Variants in TTN observed in about 807,000 individuals in gnomAD.
TTN encodes the protein titin.
In TTN, 1,525 loss-of-function variants were observed where a neutral mutation model predicts 3,223.0. The ratio of observed to expected loss-of-function variants is 0.47; its 90% CI spans 0.45 to 0.49. TTN has a LOEUF of 0.49. Among genes scored for constraint, TTN ranks in the 20% least tolerant of loss-of-function variants. The pLI is 0.00. For synonymous variants in TTN, 14,094 were observed against 15,161.0 expected, an observed-to-expected ratio of 0.93 and a Z score of 5.17; for missense variants, 40,786 against 43,424.0, an observed-to-expected ratio of 0.94 and a Z score of 5.40.
chr2:178,637,474 T>G, intron 223 of TTN, 55 bp from the exon 224 acceptor site: 1 of 1,178,212 alleles, frequency 8.5e-7, no homozygotes, highest in Non-Finnish European at 1.1e-6. Context: ...ATTTCATGTT[T>G]AATAGTAAAC....
At chr2:178,711,883 A>T (rs1577840276) in intron 96 of TTN, 61 bp downstream of exon 96, 1 of 1,511,876 alleles carries the variant, frequency 6.6e-7, no homozygotes, top group East Asian at 2.3e-5. Flanking sequence ...GCCTCCCCAG[A>T]CATTTTAAAT....
In TTN at chr2:178,733,469, C is replaced by T; in HGVS notation, c.15824G>A (p.Gly5275Glu). The change falls in exon 54 of 363, where the codon GGA becomes GAA. Residue 5275 changes from glycine (G) to glutamate (E), a missense_variant. By Grantham distance (98) the Gly-to-Glu change is moderately conservative. Transcript: ENST00000589042. ...TGTGTACTCCAGTGTGGCGGGATCTCCTGCTGTCACCTGGATCAGTTCTGC... is the reference window on the plus strand; with the variant it reads ...TGTGTACTCCAGTGTGGCGGGATCTTCTGCTGTCACCTGGATCAGTTCTGC... The part of the protein sequence containing the change: ...ERAELIQVTA[G>E]DPATLEYTVA... 1 of 1,613,688 alleles carries T rather than the reference C, an allele frequency of 6.2e-7. No individual in the cohort carries two copies. Among genetic ancestry groups the T allele is most frequent in the Non-Finnish European group, 8.5e-7 (1 of 1,179,710 alleles).
At chr2:178,736,115 C>A (rs1458827080) in intron 49 of TTN, 41 bp from the exon 50 acceptor site, 5 of 1,492,008 alleles carry the variant, frequency 3.4e-6, no homozygotes. Context: ...TAGTCCCCAC[C>A]AAAGCACTTG....
chr2:178,712,707 G>C lies in TTN; in HGVS notation c.27318C>G (p.Leu9106=), dbSNP rs749417537. ...AGCAGTCTGACAAACCTTTTATGTAGAGATGTGTTGTACAAGAAGCCTTGC... is the reference window on the plus strand; with the variant it reads ...AGCAGTCTGACAAACCTTTTATGTACAGATGTGTTGTACAAGAAGCCTTGC... ...EAGKASCTTH[L]YIKAPAKFVK... The change falls in exon 94 of 363, where the codon CTC becomes CTG. Residue 9106 remains leucine, a synonymous_variant. Transcript: ENST00000589042. 2 of 1,613,136 alleles carry C rather than the reference G, an allele frequency of 1.2e-6. No homozygotes were observed. Among genetic ancestry groups the C allele is most frequent in the Non-Finnish European group, 1.7e-6 (2 of 1,179,254 alleles).
chr2:178,543,676 T>TGAAA lies in TTN; in HGVS notation c.96311-18_96311-15dup, dbSNP rs1695659815. 1.3e-6 allele frequency: 2 copies of TGAAA among 1,560,106 alleles called. No homozygotes were observed. The highest frequency in any genetic ancestry group is 1.7e-6 in the Non-Finnish European group (2 of 1,159,126). On this transcript the variant is annotated splice_polypyrimidine_tract_variant and intron_variant, in intron 346 of 362. Transcript: ENST00000589042. ...GACCAGGAGTATCTGAAAAACAGAATGAAAGATTCATATTTCCTATTTGCC... is the reference window on the plus strand; with the variant it reads ...GACCAGGAGTATCTGAAAAACAGAATGAAAGAAAGATTCATATTTCCTATTTGCC...
intron 3 of TTN, 121 bp from the exon 4 acceptor site, chr2:178,800,803 G>A: frequency 8.7e-7 from 1 of 1,146,106 alleles, no homozygotes; most frequent in Non-Finnish European, 1.2e-6. Flanking sequence ...AAACATCCTT[G>A]AATGTCCTTG....
rs879193950 is a variant in TTN at position 178,784,144 on chromosome 2, C to T, written c.2701G>A (p.Glu901Lys). 6.2e-7 allele frequency: 1 copy of T among 1,614,028 alleles called. No homozygotes were observed. Among genetic ancestry groups the T allele is most frequent in the African/African-American group, 1.3e-5 (1 of 74,908 alleles). The change falls in exon 16 of 363, where the codon GAA becomes AAA. Residue 901 changes from glutamate to lysine, a missense_variant. Transcript: ENST00000589042. The part of the protein sequence containing the change: ...KSEAGVEVKK[E>K]VGVSITGTTV... Reference sequence around the variant, plus strand: ...GTGCCAGTGATGCTCACCCCTACTTCCTTTTTCACCTCAACGCCAGCTTCA... The same window carrying T: ...GTGCCAGTGATGCTCACCCCTACTTTCTTTTTCACCTCAACGCCAGCTTCA...
Position 178,553,680 on chromosome 2 carries a change from T to G in TTN, c.89325A>C (p.Gln29775His). 1 of 1,613,878 alleles carries G rather than the reference T, an allele frequency of 6.2e-7. No homozygotes were observed. Among genetic ancestry groups the G allele is most frequent in the Non-Finnish European group, 8.5e-7 (1 of 1,179,818 alleles). The change falls in exon 334 of 363, where the codon CAA (glutamine) becomes CAC (histidine). Residue 29775 changes from glutamine to histidine, a missense_variant. Coordinates refer to ENST00000589042, the MANE Select transcript of TTN (RefSeq NM_001267550.2). ...AVTGYVVEIR[Q>H]GEEEEWTTVS... ...CAGTAGTCCATTCCTCTTCCTCTCC[T>G]TGTCTTATCTCGACAACATACCCAG...
At chr2:178,637,228 A>G (rs2060614027) in intron 224 of TTN, 141 bp downstream of exon 224, 1 of 288,388 alleles carries the variant, frequency 3.5e-6, no homozygotes, top group Admixed American at 5.9e-5. Context: ...TTGAAATATC[A>G]GAAAACATGC....
At position 178,566,806 on chromosome 2, in the gene TTN, T is replaced by C. The variant is rs768851060; in HGVS notation, c.79326A>G (p.Thr26442=). 6.2e-7 allele frequency: 1 copy of C among 1,613,388 alleles called. No homozygotes were observed. The highest frequency in any genetic ancestry group is 8.5e-7 in the Non-Finnish European group (1 of 1,179,692). The part of the protein sequence containing the change: ...RWIKCNKRRI[T]DLRLRVTGLT... Reference sequence around the variant, plus strand: ...ATCCTGTCACTCTTAGACGCAAATCTGTAATGCGGCGTTTATTACATTTTA... The same window carrying C: ...ATCCTGTCACTCTTAGACGCAAATCCGTAATGCGGCGTTTATTACATTTTA... Residue 26442 remains threonine (T), a synonymous_variant, in exon 326 of 363, where the codon ACA becomes ACG. Coordinates refer to ENST00000589042, the MANE Select transcript of TTN (RefSeq NM_001267550.2).
At position 178,802,161 on chromosome 2, in the gene TTN, C is replaced by A. The variant is rs1367815458; in HGVS notation, c.272G>T (p.Ser91Ile). ...ACCTTTCACGAGAAGCTCAGCAGTA[C>A]TAGTCGCTTGTCCAGATCCATTGGT... ...KATNGSGQATSTAELLVKAET... is the reference protein window; with the variant it reads ...KATNGSGQATITAELLVKAET... Residue 91 changes from serine to isoleucine, a missense_variant, in exon 3 of 363, where the codon AGT becomes ATT. By Grantham distance (142) the Ser-to-Ile change is moderately radical (BLOSUM62 -2). Transcript: ENST00000589042. The A allele has an allele frequency of 6.2e-7, 1 of 1,613,978 alleles. No homozygotes were observed. Among genetic ancestry groups the A allele is most frequent in the East Asian group, 2.2e-5 (1 of 44,898 alleles).
Position 178,629,366 on chromosome 2 carries a change from G to T in TTN, c.44359C>A (p.Leu14787Ile). 2 of 1,612,970 alleles carry T rather than the reference G, an allele frequency of 1.2e-6. No homozygotes were observed. Among genetic ancestry groups the T allele is most frequent in the Non-Finnish European group, 8.5e-7 (1 of 1,179,348 alleles). ...AGETATFDCELSYEDIPVEWY... is the reference protein window; with the variant it reads ...AGETATFDCEISYEDIPVEWY... ...TCCACTGGGATATCTTCGTAGGAGA[G>T]CTCGCAGTCGAAGGTGGCTGTTTCC... The change falls in exon 240 of 363, where the codon CTC becomes ATC. Residue 14787 changes from leucine to isoleucine, a missense_variant. Coordinates refer to ENST00000589042, the MANE Select transcript of TTN (RefSeq NM_001267550.2).
At position 178,608,657 on chromosome 2, in the gene TTN, C is replaced by T. The variant is rs777777062; in HGVS notation, c.52354G>A (p.Gly17452Arg). 1.2e-6 allele frequency: 2 copies of T among 1,611,982 alleles called. No homozygotes were observed. Among genetic ancestry groups the T allele is most frequent in the Non-Finnish European group, 1.7e-6 (2 of 1,178,964 alleles). Residue 17452 changes from glycine (G) to arginine (R), a missense_variant, in exon 274 of 363, where the codon GGG becomes AGG. Physicochemically the swap from Gly to Arg is moderately radical, Grantham distance 125. Coordinates refer to ENST00000589042, the MANE Select transcript of TTN (RefSeq NM_001267550.2). ...LFRVRAENRF[G>R]PGPPCVSKPL... ...TTTGAAACACATGGTGGACCTGGCC[C>T]AAATCTGTTTTCAGCTCTTACACGG...
At chr2:178,618,521 A>G (rs77842007) in intron 251 of TTN, 30 bp from the exon 252 acceptor site, 5 of 1,609,234 alleles carry the variant, frequency 3.1e-6, no homozygotes, top group Non-Finnish European at 4.2e-6. Context: ...GAATTTTTTT[A>G]GTGTGCTGTC....
chr2:178,531,374 C>G lies in TTN; in HGVS notation c.105241G>C (p.Glu35081Gln), dbSNP rs779952686. 1 of 1,613,908 alleles carries G rather than the reference C, an allele frequency of 6.2e-7. No individual in the cohort carries two copies. The highest frequency in any genetic ancestry group is 1.3e-5 in the African/African-American group (1 of 74,940). ...GTCTCCGTCATCTGTGATTTCACTT[C>G]CCTGACAGAAGACGAAGCTTCCATC... Reference protein sequence around the residue: ...SEMEASSSVREVKSQMTETRE... With the variant: ...SEMEASSSVRQVKSQMTETRE... Residue 35081 changes from glutamate (E) to glutamine (Q), a missense_variant, in exon 358 of 363, where the codon GAA (glutamate) becomes CAA (glutamine). Glu to Gln is a conservative substitution (Grantham distance 29). Coordinates refer to ENST00000589042, the MANE Select transcript of TTN (RefSeq NM_001267550.2).
Position 178,757,603 on chromosome 2 carries a change from G to C in TTN, c.10617C>G (p.Cys3539Trp). 6.2e-7 allele frequency: 1 copy of C among 1,609,532 alleles called. No individual in the cohort carries two copies. The highest frequency in any genetic ancestry group is 8.5e-7 in the Non-Finnish European group (1 of 1,176,624). Residue 3539 changes from cysteine (C) to tryptophan (W), a missense_variant, in exon 45 of 363, where the codon TGC becomes TGG. By Grantham distance (215) the Cys-to-Trp change is radical. Transcript: ENST00000589042. The stretch of plus-strand genomic sequence containing the variant: ...CTTCCCCAGCACTATTGGCTGCTTT[G>C]CAAGAGTACTGCCCAGCATGCTCTG... ...AYSEHAGQYS[C>W]KAANSAGEAT...
rs1231787901 is a variant in TTN at position 178,557,990 on chromosome 2, A to T, written c.87364T>A (p.Ser29122Thr). ...ATGAAAGCTTTGGTTGTACCACTGG[A>T]GTTGGCAGCAGTGATTTCATATCTC... ...AGRYEITAAN[S>T]SGTTKAFINI... Residue 29122 changes from serine (S) to threonine (T), a missense_variant, in exon 328 of 363, where the codon TCC (serine) becomes ACC (threonine). Ser to Thr is a moderately conservative substitution (Grantham distance 58). Transcript: ENST00000589042. 1 of 1,613,708 alleles carries T rather than the reference A, an allele frequency of 6.2e-7. No homozygotes were observed. The highest frequency in any genetic ancestry group is 8.5e-7 in the Non-Finnish European group (1 of 1,179,860).
chr2:178,590,140 G>T lies in TTN; in HGVS notation c.61585C>A (p.Leu20529Ile). ...REKRVDLIQD[L>I]PRVELQIKEA... ...TTAATTTGTAACTCAACACGAGGTAGATCCTGAATAAGGTCCACCCTCTTT... is the reference window on the plus strand; with the variant it reads ...TTAATTTGTAACTCAACACGAGGTATATCCTGAATAAGGTCCACCCTCTTT... Residue 20529 changes from leucine to isoleucine, a missense_variant, in exon 304 of 363, where the codon CTA (leucine) becomes ATA (isoleucine). Coordinates refer to ENST00000589042, the MANE Select transcript of TTN (RefSeq NM_001267550.2). 1 of 1,613,228 alleles carries T rather than the reference G, an allele frequency of 6.2e-7. No individual in the cohort carries two copies. The highest frequency in any genetic ancestry group is 1.7e-5 in the Admixed American group (1 of 59,976).
chr2:178,530,395 T>C lies in TTN; in HGVS notation c.106220A>G (p.Lys35407Arg), dbSNP rs1415815221. 1 of 1,614,008 alleles carries C rather than the reference T, an allele frequency of 6.2e-7. No homozygotes were observed. Among genetic ancestry groups the C allele is most frequent in the South Asian group, 1.1e-5 (1 of 91,078 alleles). The change falls in exon 358 of 363, where the codon AAA (lysine) becomes AGA (arginine). Residue 35407 changes from lysine to arginine, a missense_variant. Coordinates refer to ENST00000589042, the MANE Select transcript of TTN (RefSeq NM_001267550.2). Reference sequence around the variant, plus strand: ...TGGTTCAGGAGCTTTTGGTTCAGTTTTTCTGGTTACTGTTGACTCAGTGGT... The same window carrying C: ...TGGTTCAGGAGCTTTTGGTTCAGTTCTTCTGGTTACTGTTGACTCAGTGGT... ...QKTTESTVTR[K>R]TEPKAPEPIS...
Sources: allele counts gnomAD v4.1 joint callset, GRCh38; gene constraint gnomAD v4.1.1; transcripts MANE v1.5; gene names NCBI Gene and HGNC (gene_info 2026-07-23, HGNC 2026-07-21).